SLC14A2: variants seen among roughly 807,000 people sequenced by gnomAD.
SLC14A2 encodes urea transporter 2.
SLC14A2 carries 91 observed loss-of-function variants against 104.6 expected under a neutral mutation model. The ratio of observed to expected loss-of-function variants is 0.87; its 90% CI spans 0.73 to 1.04. The LOEUF (loss-of-function observed/expected upper bound fraction) is 1.04. Among genes scored for constraint, SLC14A2 ranks in the 50% least tolerant of loss-of-function variants. SLC14A2 has a pLI of 0.00. For missense variants in SLC14A2, 1,189 were observed against 1,156.0 expected (o/e 1.03, Z -0.41); for synonymous variants, 476 against 466.4 (o/e 1.02, Z -0.27).
the SLC14A2 span, among the ~76,000 whole-genome samples, chr18:45,180,740 A>G: frequency 6.6e-6 from 1 of 152,320 alleles, no homozygotes; most frequent in African/African-American, 2.4e-5. Flanking sequence ...AGAAATATCA[A>G]CTAAAACTTA....
chr18:45,406,387 T>A (rs541759482), intron 1 of SLC14A2, among the ~76,000 whole-genome samples: 59 of 152,320 alleles, frequency 3.9e-4, no homozygotes, highest in Non-Finnish European at 7.5e-4. Context: ...TCTGTTACAA[T>A]TCTACCACAT....
intron 1 of SLC14A2, among the ~76,000 whole-genome samples, chr18:45,233,261 G>A (rs1166544067): frequency 6.6e-6 from 1 of 152,190 alleles, no homozygotes; most frequent in East Asian, 1.9e-4. Flanking sequence ...GATTTCACAA[G>A]TTGACCTCTT....
chr18:45,249,739 C>CA (rs1211570852), intron 1 of SLC14A2, among the ~76,000 whole-genome samples: 5 of 152,062 alleles, frequency 3.3e-5, no homozygotes, highest in African/African-American at 1.2e-4. Context: ...CGCTTGAGTC[C>CA]AGGAGTTCAA....
At chr18:45,563,795 C>G (rs925859635) in intron 2 of SLC14A2, among the ~76,000 whole-genome samples, 3 of 152,154 alleles carry the variant, frequency 2.0e-5, no homozygotes, top group African/African-American at 7.2e-5. Context: ...AAATTTTGTA[C>G]TTTATTATTC....
chr18:45,403,387 T>G (rs1018238444), intron 1 of SLC14A2, among the ~76,000 whole-genome samples: 13 of 152,362 alleles, frequency 8.5e-5, no homozygotes, highest in Non-Finnish European at 1.8e-4. Context: ...GAATAATAAT[T>G]TAATTCTACC....
intron 1 of SLC14A2, among the ~76,000 whole-genome samples, chr18:45,342,964 T>C (rs1036293355): frequency 6.6e-6 from 1 of 152,146 alleles, no homozygotes; most frequent in Non-Finnish European, 1.5e-5. Context: ...AATCAGTCTT[T>C]CTTTGATACC....
chr18:45,623,913 T>C (rs1275113137), intron 1 of SLC14A2, among the ~76,000 whole-genome samples: 1 of 152,112 alleles, frequency 6.6e-6, no homozygotes, highest in Non-Finnish European at 1.5e-5. Context: ...AATGGCTGTA[T>C]GGGAAGGAGA....
intron 1 of SLC14A2, among the ~76,000 whole-genome samples, chr18:45,298,384 C>A (rs2084936802): frequency 1.3e-5 from 2 of 152,130 alleles, no homozygotes; most frequent in African/African-American, 4.8e-5. Flanking sequence ...CGGATATAAC[C>A]ATGTAGCATG....
intron 2 of SLC14A2, among the ~76,000 whole-genome samples, chr18:45,506,948 C>T (rs551131735): frequency 6.6e-6 from 1 of 152,326 alleles, no homozygotes; most frequent in Non-Finnish European, 1.5e-5. Context: ...GACTTACCCC[C>T]TCCTCAAGGG....
At chr18:45,246,222 G>T (rs774381865) in intron 1 of SLC14A2, among the ~76,000 whole-genome samples, 1 of 152,128 alleles carries the variant, frequency 6.6e-6, no homozygotes, top group Admixed American at 6.5e-5. Context: ...CAATGAGAAG[G>T]TGCTGTCTGC....
chr18:45,283,016 T>C (rs1315729808), intron 1 of SLC14A2, among the ~76,000 whole-genome samples: 1 of 152,206 alleles, frequency 6.6e-6, no homozygotes, highest in Non-Finnish European at 1.5e-5. Context: ...TAAAGACACA[T>C]GACATGGTCA....
At chr18:45,301,123 G>T (rs2084964503) in intron 1 of SLC14A2, among the ~76,000 whole-genome samples, 1 of 152,184 alleles carries the variant, frequency 6.6e-6, no homozygotes, top group African/African-American at 2.4e-5. Context: ...AACACATTTT[G>T]CCATTTTATA....
chr18:45,218,648 A>C (rs562095381), intron 1 of SLC14A2, among the ~76,000 whole-genome samples: 1 of 152,344 alleles, frequency 6.6e-6, no homozygotes, highest in Admixed American at 6.5e-5. Flanking sequence ...TGGACTTTTA[A>C]AAGAAAAACA....
intron 1 of SLC14A2, among the ~76,000 whole-genome samples, chr18:45,235,940 C>T (rs1464563677): frequency 1.8e-3 from 122 of 66,360 alleles, no homozygotes; most frequent in South Asian, 2.5e-3. Flanking sequence ...TGTATATATA[C>T]ATATATGTGT....
chr18:45,570,792 T>C (rs1446746098), intron 2 of SLC14A2, among the ~76,000 whole-genome samples: 2 of 152,252 alleles, frequency 1.3e-5, no homozygotes, highest in African/African-American at 2.4e-5. Flanking sequence ...TTGTAAATAA[T>C]GTTTCCTTAT....
rs2084262186 is a variant in SLC14A2 at position 45,237,059 on chromosome 18, C to T, written c.-125+23868C>T. 2.0e-5 allele frequency among the ~76,000 whole-genome samples: 3 copies of T among 152,144 alleles called. No homozygotes were observed. In the South Asian group the frequency reaches 6.2e-4, roughly 32 times the overall value. On this transcript the variant is annotated intron_variant, in intron 1 of 20. Coordinates refer to the SLC14A2 transcript ENST00000586448. ...CACAAGTGAGGAGACCCACTATAGCCAACAGCAGAATGGAGACCAGAAGAG... is the reference window on the plus strand; with the variant it reads ...CACAAGTGAGGAGACCCACTATAGCTAACAGCAGAATGGAGACCAGAAGAG...
intron 16 of SLC14A2, 125 bp downstream of exon 16, chr18:45,669,623 C>A: frequency 1.3e-6 from 1 of 756,948 alleles, no homozygotes; most frequent in Non-Finnish European, 2.1e-6. Context: ...ACCAAGCATT[C>A]TACATATATA....
chr18:45,492,788 A>G (rs1219341038), intron 2 of SLC14A2, among the ~76,000 whole-genome samples: 1 of 152,160 alleles, frequency 6.6e-6, no homozygotes, highest in African/African-American at 2.4e-5. Flanking sequence ...TCCTCTGAAC[A>G]TTGCTTTCCT....
At chr18:45,263,054 TC>T (rs1206254781) in intron 1 of SLC14A2, among the ~76,000 whole-genome samples, 2 of 152,218 alleles carry the variant, frequency 1.3e-5, no homozygotes, top group Non-Finnish European at 2.9e-5. Flanking sequence ...TTGAATTTCA[TC>T]AGTTTTTCCA....
Sources: gnomAD v4.1 joint callset for allele counts (sites outside exome capture counted in the v4.1 genomes callset) on GRCh38, gnomAD v4.1.1 for gene constraint, MANE v1.5 for transcripts, NCBI Gene and HGNC (gene_info 2026-07-23, HGNC 2026-07-21) for gene names.